The following SCUBE1 variants were observed in gnomAD, a reference collection of about 807,000 sequenced individuals.
The protein encoded by SCUBE1 is signal peptide, CUB and EGF-like domain-containing protein 1.
A neutral mutation model predicts 124.4 loss-of-function variants in SCUBE1; 59 were observed. The ratio of observed to expected loss-of-function variants is 0.47; its 90% CI spans 0.38 to 0.59. The LOEUF (loss-of-function observed/expected upper bound fraction) is 0.59. Among genes scored for constraint, SCUBE1 ranks in the 20% least tolerant of loss-of-function variants. The pLI is 0.00. For missense variants in SCUBE1, 1,150 were observed against 1,371.2 expected (o/e 0.84, Z 2.55); for synonymous variants, 545 against 550.9 (o/e 0.99, Z 0.15).
chr22:43,258,355 A>G lies in SCUBE1; in HGVS notation c.611-20T>C, dbSNP rs1568998975. 3 of 1,537,742 alleles carry G rather than the reference A, an allele frequency of 2.0e-6. No individual in the cohort carries two copies. In the Admixed American group the frequency reaches 5.0e-5, roughly 26 times the overall value. On this transcript the variant is annotated intron_variant, in intron 5 of 21. Coordinates refer to ENST00000360835, the MANE Select transcript of SCUBE1 (RefSeq NM_173050.5). This position sits in a 1 kb window ranked among gnomAD's most constrained non-coding sequence, Gnocchi z 5.0. ...AGGTTACTAGTTAGGCCCAAAGTGT[A>G]CACACGGGTGTATAAACAGAACAAC... is the stretch of plus-strand genomic sequence containing the variant.
chr22:43,287,739 G>C (rs1241944778), intron 4 of SCUBE1, among the ~76,000 whole-genome samples: 1 of 152,226 alleles, frequency 6.6e-6, no homozygotes, highest in East Asian at 1.9e-4. Flanking sequence ...GTCTCCTTCA[G>C]CCCTCCCAGG....
At chr22:43,338,356 G>C (rs1478989184) in intron 2 of SCUBE1, among the ~76,000 whole-genome samples, 1 of 152,196 alleles carries the variant, frequency 6.6e-6, no homozygotes, top group African/African-American at 2.4e-5. Context: ...ACCAGTGTCT[G>C]TCCAAGCACT....
chr22:43,278,802 T>C (rs1924640357), intron 4 of SCUBE1, among the ~76,000 whole-genome samples: 1 of 152,092 alleles, frequency 6.6e-6, no homozygotes, highest in Admixed American at 6.5e-5. Context: ...TTAGTACTTA[T>C]CCAAAGCATG....
rs1471483030 is a variant in SCUBE1, at chr22:43,291,093, C to A, written c.437G>T (p.Gly146Val). The A allele has an allele frequency of 1.2e-6, 2 of 1,613,558 alleles. No homozygotes were observed. The highest frequency in any genetic ancestry group is 1.7e-6 in the Non-Finnish European group (2 of 1,179,686). Reference protein sequence around the residue: ...MGSYECQCHSGFFLSDNQHTC... With the variant: ...MGSYECQCHSVFFLSDNQHTC... The stretch of plus-strand genomic sequence containing the variant: ...ATGCTGGTTGTCACTAAGGAAGAAG[C>A]CACTGTGGCACTGACACTCGTAGCT... Residue 146 changes from glycine to valine, a missense_variant, in exon 4 of 22, where the codon GGC (glycine) becomes GTC (valine). By Grantham distance (109) the Gly-to-Val change is moderately radical. This residue lies in a region of SCUBE1 where 337 missense variants were observed against 482.1 expected (regional missense o/e 0.70). Transcript: ENST00000360835.
In SCUBE1 at chr22:43,258,615, G is replaced by A. The variant is rs919700287; in HGVS notation, c.611-280C>T. On this transcript the variant is annotated intron_variant, in intron 5 of 21. Transcript: ENST00000360835. The surrounding 1 kb of genome is among the most constrained non-coding windows in gnomAD (Gnocchi z 5.0). Reference sequence around the variant, plus strand: ...ATCAGAGCAGGCACAGAGGTGATGCGCTCAGATGGTGGTAGATGAAGACAG... The same window carrying A: ...ATCAGAGCAGGCACAGAGGTGATGCACTCAGATGGTGGTAGATGAAGACAG... 1.1e-4 allele frequency among the ~76,000 whole-genome samples: 17 copies of A among 152,194 alleles called. No individual in the cohort carries two copies. The highest frequency in any genetic ancestry group is 2.2e-4 in the African/African-American group (9 of 41,458).
In SCUBE1 at chr22:43,209,319, T is replaced by C. The variant is rs549411397; in HGVS notation, c.2581+724A>G. On this transcript the variant is annotated intron_variant, in intron 19 of 21. Coordinates refer to ENST00000360835, the MANE Select transcript of SCUBE1 (RefSeq NM_173050.5). The stretch of plus-strand genomic sequence containing the variant: ...CTCTTCCTTCCCTAACACTCAGACA[T>C]GGAGCTCGCTCACATGGGCACCCAC... Among the ~76,000 whole-genome samples, 4 of 152,250 alleles carry C rather than the reference T, an allele frequency of 2.6e-5. No individual in the cohort carries two copies. In the South Asian group the frequency reaches 8.3e-4, roughly 32 times the overall value.
In SCUBE1 at chr22:43,210,568, G is replaced by A. The variant is rs910295952; in HGVS notation, c.2384-328C>T. ...GGGCACTGAGAGGGCCTGGAGCCCT[G>A]CTCTCTCTAGAGGCCCTGTCAGTGC... On this transcript the variant is annotated intron_variant, in intron 18 of 21. Coordinates refer to ENST00000360835, the MANE Select transcript of SCUBE1 (RefSeq NM_173050.5). This position sits in a 1 kb window ranked among gnomAD's most constrained non-coding sequence, Gnocchi z 4.5. Among the ~76,000 whole-genome samples, 9 of 152,172 alleles carry A rather than the reference G, an allele frequency of 5.9e-5. No individual in the cohort carries two copies. Among genetic ancestry groups the A allele is most frequent in the African/African-American group, 1.9e-4 (8 of 41,454 alleles).
chr22:43,230,162 G>A (rs997038900), intron 8 of SCUBE1, among the ~76,000 whole-genome samples: 1 of 152,188 alleles, frequency 6.6e-6, no homozygotes, highest in Non-Finnish European at 1.5e-5. Context: ...AGCCTGGAAT[G>A]AGCGAATGAA....
At chr22:43,220,224 C>T (rs1324473339) in intron 14 of SCUBE1, among the ~76,000 whole-genome samples, 1 of 152,206 alleles carries the variant, frequency 6.6e-6, no homozygotes, top group African/African-American at 2.4e-5. Flanking sequence ...GCTCTTCTGT[C>T]TCATTGCCCT....
intron 11 of SCUBE1, 118 bp downstream of exon 11, chr22:43,222,979 A>G: frequency 7.3e-7 from 1 of 1,373,004 alleles, no homozygotes; most frequent in Non-Finnish European, 9.8e-7. Context: ...CTCAGTTATC[A>G]GAGACCCTCA....
In SCUBE1 at chr22:43,343,299, G is replaced by GCGT; in HGVS notation, c.-39_-38insACG. The GCGT allele has an allele frequency of 9.6e-6, 10 of 1,039,850 alleles. No homozygotes were observed. Among genetic ancestry groups the GCGT allele is most frequent in the Non-Finnish European group, 1.1e-5 (9 of 856,182 alleles). The allele number at this position is 1,039,850 out of a possible 1,614,324, so 64.4% of individuals were successfully genotyped here. A position where few individuals can be genotyped will look rare whatever the true frequency, so the allele number is the denominator to read the frequency against. On this transcript the variant is annotated 5_prime_UTR_variant, in exon 1 of 22. Transcript: ENST00000360835. ...CCCCGCTGGGCGTGCGGGCGTGCGG[G>GCGT]GCGCGGGGACCCGACCGACCGGCCG...
intron 3 of SCUBE1, among the ~76,000 whole-genome samples, chr22:43,305,170 A>G (rs1002752489): frequency 1.3e-5 from 2 of 152,294 alleles, no homozygotes; most frequent in Admixed American, 6.5e-5. Flanking sequence ...ATAAACCTCA[A>G]TGGGTGACTG....
chr22:43,289,531 G>C (rs17003621), intron 4 of SCUBE1, among the ~76,000 whole-genome samples: 18,707 of 152,270 alleles, frequency 0.12, 2,325 homozygotes, highest in East Asian at 0.5. Context: ...ATTCTAAGGA[G>C]CCTGTTCGAG....
In SCUBE1 at chr22:43,210,940, T is replaced by C. The variant is rs1921522094; in HGVS notation, c.2365A>G (p.Asn789Asp). ...CACCCACTTTTGCAGTGTGTGACGT[T>C]GGTGGAGCCATCGAAGTCTGTGCTG... ...NTSTDFDGST[N>D]VTHCKNQHCG... Residue 789 changes from asparagine (N) to aspartate (D), a missense_variant, in exon 18 of 22, where the codon AAC becomes GAC. Transcript: ENST00000360835. This position sits in a 1 kb window ranked among gnomAD's most constrained non-coding sequence, Gnocchi z 4.5. 2 of 1,613,950 alleles carry C rather than the reference T, an allele frequency of 1.2e-6. No homozygotes were observed. The highest frequency in any genetic ancestry group is 1.7e-6 in the Non-Finnish European group (2 of 1,179,996).
intron 6 of SCUBE1, among the ~76,000 whole-genome samples, chr22:43,247,444 C>T (rs567372893): frequency 2.6e-5 from 4 of 152,332 alleles, no homozygotes; most frequent in African/African-American, 7.2e-5. Context: ...GCTCCAACCA[C>T]GGATTTCTCT....
chr22:43,268,170 A>G (rs1344450393), intron 4 of SCUBE1, among the ~76,000 whole-genome samples: 1 of 152,178 alleles, frequency 6.6e-6, no homozygotes, highest in Non-Finnish European at 1.5e-5. Context: ...CTCAGGCCCA[A>G]CCCCAAGCCC....
intron 10 of SCUBE1, among the ~76,000 whole-genome samples, chr22:43,226,871 G>A (rs1922339452): frequency 6.6e-6 from 1 of 152,144 alleles, no homozygotes; most frequent in Admixed American, 6.5e-5. Context: ...CATGCCTGCA[G>A]AGGGGGCAGG....
chr22:43,217,287 C>T (rs1415044137), intron 15 of SCUBE1, among the ~76,000 whole-genome samples: 2 of 151,760 alleles, frequency 1.3e-5, no homozygotes, highest in African/African-American at 2.4e-5. Context: ...GACTTGTGAG[C>T]GTCTCAGACT....
intron 6 of SCUBE1, among the ~76,000 whole-genome samples, chr22:43,257,855 G>C (rs1923718372): frequency 6.6e-6 from 1 of 152,222 alleles, no homozygotes; most frequent in African/African-American, 2.4e-5. Context: ...TTCTGGAACA[G>C]AAGGTCTTAG....
Sources: gnomAD v4.1 joint callset for allele counts (sites outside exome capture counted in the v4.1 genomes callset) on GRCh38, gnomAD v4.1.1 for gene constraint, gnomAD v4.1.1 regional missense constraint, Gnocchi (gnomAD v3.1) non-coding constraint, MANE v1.5 for transcripts, NCBI Gene and HGNC (gene_info 2026-07-23, HGNC 2026-07-21) for gene names.